The following SH3TC2 variants were observed in gnomAD, a reference collection of about 807,000 sequenced individuals.
SH3TC2 encodes SH3 domain and tetratricopeptide repeats 2, also known as SH3 domain and tetratricopeptide repeat-containing protein 2.
Under a neutral mutation model 124.5 loss-of-function variants are expected in SH3TC2, and 87 were observed. The observed-to-expected ratio is 0.70, with a 90% confidence interval of 0.59 to 0.84. The LOEUF (loss-of-function observed/expected upper bound fraction) is 0.84. Among genes scored for constraint, SH3TC2 ranks in the 40% least tolerant of loss-of-function variants. SH3TC2 has a pLI of 0.00. For missense variants in SH3TC2, 1,536 were observed against 1,566.4 expected, an observed-to-expected ratio of 0.98 and a Z score of 0.33; for synonymous variants, 634 against 628.5, an observed-to-expected ratio of 1.01 and a Z score of -0.13.
intron 12 of SH3TC2, among the ~76,000 whole-genome samples, chr5:149,016,799 C>T (rs1427254059): frequency 6.6e-6 from 1 of 151,894 alleles, no homozygotes; most frequent in Non-Finnish European, 1.5e-5. Context: ...GTGGCGGGCG[C>T]CTGTAGTCCC....
rs961969416 is a variant in SH3TC2 at position 149,026,974 on chromosome 5, C to G, written c.2758G>C (p.Val920Leu). The G allele has an allele frequency of 6.2e-7, 1 of 1,614,044 alleles. No individual in the cohort carries two copies. Among genetic ancestry groups the G allele is most frequent in the Non-Finnish European group, 8.5e-7 (1 of 1,180,048 alleles). Reference sequence around the variant, plus strand: ...TGGGCCAACCAGAGAAACACCTGTACTAATTCCATGTCTGTCTCCTTACTG... The same window carrying G: ...TGGGCCAACCAGAGAAACACCTGTAGTAATTCCATGTCTGTCTCCTTACTG... ...QASKETDMEL[V>L]QVFLWLAQVL... The change falls in exon 11 of 17, where the codon GTA (valine) becomes CTA (leucine). Residue 920 changes from valine to leucine, a missense_variant. Val to Leu is a conservative substitution (Grantham distance 32). Transcript: ENST00000515425.
chr5:149,025,178 C>A (rs1754043001), intron 12 of SH3TC2, among the ~76,000 whole-genome samples: 1 of 152,170 alleles, frequency 6.6e-6, no homozygotes. Context: ...CAGGGTGGAG[C>A]TGGGGCCTCC....
intron 13 of SH3TC2, 43 bp downstream of exon 13, chr5:149,012,540 TG>T: frequency 6.2e-7 from 1 of 1,613,202 alleles, no homozygotes; most frequent in South Asian, 1.1e-5. Flanking sequence ...CCTCCCCAAA[TG>T]ATCCAAGTCA....
chr5:149,008,086 G>A lies in SH3TC2; in HGVS notation c.3478+765C>T, dbSNP rs1446166825. The A allele has an allele frequency of 2.0e-5, 3 of 152,682 alleles. No individual in the cohort carries two copies. The East Asian group carries it at 5.8e-4, about 29-fold the overall frequency. The allele number at this position is 152,682 out of a possible 1,614,324, so 9.5% of individuals were successfully genotyped here. On this transcript the variant is annotated intron_variant, in intron 15 of 16. Coordinates refer to ENST00000515425, the MANE Select transcript of SH3TC2 (RefSeq NM_024577.4). Reference sequence around the variant, plus strand: ...AAAGAGGGAAGGCTCTCTCAAGAATGCAATTAGACAAAATAAAGTCCGGTA... The same window carrying A: ...AAAGAGGGAAGGCTCTCTCAAGAATACAATTAGACAAAATAAAGTCCGGTA...
chr5:149,020,045 G>C (rs1219656623), intron 12 of SH3TC2, among the ~76,000 whole-genome samples: 3 of 151,330 alleles, frequency 2.0e-5, no homozygotes, highest in Non-Finnish European at 2.9e-5. Flanking sequence ...AAAATAATTA[G>C]TAGCAATTGT....
At chr5:149,005,491 T>C (rs1753671983) in intron 16 of SH3TC2, among the ~76,000 whole-genome samples, 1 of 152,164 alleles carries the variant, frequency 6.6e-6, no homozygotes, top group Non-Finnish European at 1.5e-5. Flanking sequence ...CTTTTTTGCT[T>C]AAGGAAGTTT....
chr5:149,031,754 C>T (rs1580904007), intron 8 of SH3TC2, 67 bp from the exon 9 acceptor site: 9 of 1,605,166 alleles, frequency 5.6e-6, no homozygotes, highest in East Asian at 4.5e-5. Context: ...CCTCTTCTCT[C>T]CACACTAGGA....
At position 148,993,499 on chromosome 5, in the gene SH3TC2, A is replaced by G. The variant is rs964309733; in HGVS notation, c.*11212T>C. Reference sequence around the variant, plus strand: ...AATGATTGAGTAAGCATTAATTAAGAAAATACTTTCTTGATAAAAATTCAG... The same window carrying G: ...AATGATTGAGTAAGCATTAATTAAGGAAATACTTTCTTGATAAAAATTCAG... On this transcript the variant is annotated 3_prime_UTR_variant, in exon 17 of 17. Transcript: ENST00000515425. 3.0e-4 allele frequency among the ~76,000 whole-genome samples: 45 copies of G among 152,216 alleles called. No individual in the cohort carries two copies. The highest frequency in any genetic ancestry group is 2.9e-3 in the Admixed American group (45 of 15,280).
intron 1 of SH3TC2, among the ~76,000 whole-genome samples, chr5:149,054,678 G>A (rs1266755742): frequency 6.6e-6 from 1 of 152,188 alleles, no homozygotes; most frequent in Non-Finnish European, 1.5e-5. Flanking sequence ...AAGATCTGTA[G>A]CCCAGGAGCC....
Position 148,992,672 on chromosome 5 carries a change from G to A in SH3TC2, c.*12039C>T, listed in dbSNP as rs1753440645. Among the ~76,000 whole-genome samples the A allele has an allele frequency of 8.0e-6, 1 of 125,644 alleles. No individual in the cohort carries two copies. 82.4% of individuals were successfully genotyped at this position (125,644 alleles called of 152,430 possible). A position where few individuals can be genotyped will look rare whatever the true frequency, so the allele number is the denominator to read the frequency against. ...CTTTTAGGGCAATCTTTTGACAGTT[G>A]GTAAAACTGAGACCTCAGGTGGGAG... On this transcript the variant is annotated 3_prime_UTR_variant, in exon 17 of 17. Coordinates refer to ENST00000515425, the MANE Select transcript of SH3TC2 (RefSeq NM_024577.4).
rs967535581 is a variant in SH3TC2 at position 148,992,760 on chromosome 5, C to A, written c.*11951G>T. Among the ~76,000 whole-genome samples, 2 of 152,108 alleles carry A rather than the reference C, an allele frequency of 1.3e-5. No individual in the cohort carries two copies. The highest frequency in any genetic ancestry group is 4.8e-5 in the African/African-American group (2 of 41,414). ...TAGGTTCAGACCCCAGATCACCTGA[C>A]CCCAATCCCACTGCTCTTTAACTAC... On this transcript the variant is annotated 3_prime_UTR_variant, in exon 17 of 17. Transcript: ENST00000515425.
chr5:149,038,765 C>T lies in SH3TC2; in HGVS notation c.806-275G>A, dbSNP rs147576421. On this transcript the variant is annotated intron_variant, in intron 7 of 16. Transcript: ENST00000515425. ...AACACAAAAAAAGATTCTCAGATAG[C>T]GGATATGCCTTAAAAATGAATAAAC... 5.6e-4 allele frequency among the ~76,000 whole-genome samples: 86 copies of T among 152,290 alleles called. No individual in the cohort carries two copies. The East Asian group carries it at 0.012, about 20-fold the overall frequency.
intron 12 of SH3TC2, among the ~76,000 whole-genome samples, chr5:149,014,586 C>A (rs985812355): frequency 2.0e-5 from 3 of 152,160 alleles, no homozygotes; most frequent in African/African-American, 7.2e-5. Context: ...AAGAAAAAAC[C>A]CAAGCTTTCT....
chr5:149,009,530 C>T (rs1188530430), intron 14 of SH3TC2, among the ~76,000 whole-genome samples: 1 of 152,232 alleles, frequency 6.6e-6, no homozygotes, highest in Non-Finnish European at 1.5e-5. Context: ...TTCCCCACCC[C>T]TAGCTCAGTG....
At chr5:149,023,391 C>T (rs974860142) in intron 12 of SH3TC2, among the ~76,000 whole-genome samples, 3 of 152,060 alleles carry the variant, frequency 2.0e-5, no homozygotes, top group East Asian at 1.9e-4. Context: ...CTAAAACGTG[C>T]ATATTATATT....
chr5:149,015,317 G>T (rs1402121039), intron 12 of SH3TC2, among the ~76,000 whole-genome samples: 3 of 152,154 alleles, frequency 2.0e-5, no homozygotes, highest in Non-Finnish European at 2.9e-5. Flanking sequence ...CAGCTTCCTT[G>T]GTTCCTTCCT....
chr5:149,059,792 G>A (rs866859316), intron 1 of SH3TC2, among the ~76,000 whole-genome samples: 2 of 152,180 alleles, frequency 1.3e-5, no homozygotes, highest in Non-Finnish European at 2.9e-5. Context: ...ACTACATGGA[G>A]AGAGAAGGAG....
Position 149,003,528 on chromosome 5 carries a change from C to A in SH3TC2, c.*1183G>T, listed in dbSNP as rs1753630823. On this transcript the variant is annotated 3_prime_UTR_variant, in exon 17 of 17. Transcript: ENST00000515425. Reference sequence around the variant, plus strand: ...GAAGTTGAGATAACTGCAGCCCCAGCTGATTGCAGCCTGTGAACCACCCTA... The same window carrying A: ...GAAGTTGAGATAACTGCAGCCCCAGATGATTGCAGCCTGTGAACCACCCTA... 1.3e-5 allele frequency: 2 copies of A among 158,006 alleles called. No homozygotes were observed. The highest frequency in any genetic ancestry group is 4.8e-5 in the African/African-American group (2 of 41,522). 9.8% of individuals were successfully genotyped at this position (158,006 alleles called of 1,614,324 possible). A position where few individuals can be genotyped will look rare whatever the true frequency, so the allele number is the denominator to read the frequency against.
At chr5:149,025,184 C>T (rs1357150195) in intron 12 of SH3TC2, among the ~76,000 whole-genome samples, 1 of 152,142 alleles carries the variant, frequency 6.6e-6, no homozygotes, top group Non-Finnish European at 1.5e-5. Flanking sequence ...GGAGCTGGGG[C>T]CTCCTGACTC....
Sources: gnomAD v4.1 joint callset for allele counts (sites outside exome capture counted in the v4.1 genomes callset) on GRCh38, gnomAD v4.1.1 for gene constraint, MANE v1.5 for transcripts, NCBI Gene and HGNC (gene_info 2026-07-23, HGNC 2026-07-21) for gene names.